The following SLC38A3 variants were observed in gnomAD, a reference collection of about 807,000 sequenced individuals.
SLC38A3 encodes the protein solute carrier family 38 member 3, also known as sodium-coupled neutral amino acid transporter 3.
In SLC38A3, 17 loss-of-function variants were observed where a neutral mutation model predicts 59.5. The ratio of observed to expected loss-of-function variants is 0.29; its 90% CI spans 0.20 to 0.43. The LOEUF (loss-of-function observed/expected upper bound fraction) is 0.43, where lower values mean the gene tolerates loss of function less well. Among genes scored for constraint, SLC38A3 ranks in the 20% least tolerant of loss-of-function variants. The pLI is 1.00. For synonymous variants in SLC38A3, 238 were observed against 260.3 expected (o/e 0.91, Z 0.82); for missense variants, 454 against 653.9 (o/e 0.69, Z 3.33).
rs1699848126 is a variant in SLC38A3 at position 50,218,209 on chromosome 3, A to G, written c.936-61A>G. 2 of 1,265,346 alleles carry G rather than the reference A, an allele frequency of 1.6e-6. No individual in the cohort carries two copies. The highest frequency in any genetic ancestry group is 1.5e-5 in the African/African-American group (1 of 68,336). The allele number at this position is 1,265,346 out of a possible 1,614,324, so 78.4% of individuals were successfully genotyped here. A position where few individuals can be genotyped will look rare whatever the true frequency, so the allele number is the denominator to read the frequency against. On this transcript the variant is annotated intron_variant, in intron 11 of 15. Transcript: ENST00000614032. This position sits in a 1 kb window ranked among gnomAD's most constrained non-coding sequence, Gnocchi z 5.8. Reference sequence around the variant, plus strand: ...TGGTGCCAGAGAGAGCTTGGGGCACATGGGGGTCTCCCAATGTTACCCAGC... The same window carrying G: ...TGGTGCCAGAGAGAGCTTGGGGCACGTGGGGGTCTCCCAATGTTACCCAGC...
chr3:50,214,050 G>T lies in SLC38A3; in HGVS notation c.-51-99G>T. 1.5e-6 allele frequency: 1 copy of T among 666,856 alleles called. No homozygotes were observed. Among genetic ancestry groups the T allele is most frequent in the Non-Finnish European group, 2.6e-6 (1 of 380,292 alleles). The allele number at this position is 666,856 out of a possible 1,614,324, so 41.3% of individuals were successfully genotyped here. A position where few individuals can be genotyped will look rare whatever the true frequency, so the allele number is the denominator to read the frequency against. On this transcript the variant is annotated intron_variant, in intron 1 of 15. Transcript: ENST00000614032. This position sits in a 1 kb window ranked among gnomAD's most constrained non-coding sequence, Gnocchi z 6.0. ...CTGCATGTGTGGATATGCCCCGAGT[G>T]ACCATCTGGGAGGTGTGCTATGGCT...
At chr3:50,205,603 G>A (rs1449864622) in intron 1 of SLC38A3, among the ~76,000 whole-genome samples, 4 of 152,260 alleles carry the variant, frequency 2.6e-5, no homozygotes, top group Non-Finnish European at 5.9e-5. Flanking sequence ...TCGCCTTAGG[G>A]CCTCTCGGCG....
In SLC38A3 at chr3:50,219,975, C is replaced by T. The variant is rs148450359; in HGVS notation, c.1401C>T (p.Pro467=). The T allele has an allele frequency of 1.2e-6, 2 of 1,612,300 alleles. No individual in the cohort carries two copies. Among genetic ancestry groups the T allele is most frequent in the Non-Finnish European group, 8.5e-7 (1 of 1,179,178 alleles). Residue 467 remains proline (P), a synonymous_variant, in exon 15 of 16, where the codon CCC becomes CCT. Transcript: ENST00000614032. ...PTEKEPARST[P]KILALCFAML... is the part of the protein sequence containing the mutation. The stretch of plus-strand genomic sequence containing the variant: ...AGAAGGAGCCTGCAAGATCCACCCC[C>T]AAAATCCTGGTGCGAGGGGCCTGGA...
At chr3:50,210,488 C>T (rs1466514402) in intron 1 of SLC38A3, among the ~76,000 whole-genome samples, 5 of 152,152 alleles carry the variant, frequency 3.3e-5, no homozygotes, top group Non-Finnish European at 7.4e-5. Flanking sequence ...TCACTACTGC[C>T]GACCCAGACC....
chr3:50,219,097 G>C (rs1699864396), intron 14 of SLC38A3, 149 bp downstream of exon 14: 1 of 1,028,566 alleles, frequency 9.7e-7, no homozygotes, highest in Non-Finnish European at 1.4e-6. Context: ...TTGTCCATAG[G>C]CTATTCTAAT....
In SLC38A3 at chr3:50,217,504, C is replaced by T. The variant is rs370852663; in HGVS notation, c.690+31C>T. ...TCACCCTCCATGTTGGCTGAGAAAG[C>T]GGGCAGCGGGTCTCCTGGGGGAGTT... On this transcript the variant is annotated intron_variant, in intron 9 of 15. Coordinates refer to ENST00000614032, the MANE Select transcript of SLC38A3 (RefSeq NM_006841.6). The surrounding 1 kb of genome is among the most constrained non-coding windows in gnomAD (Gnocchi z 4.9). 4.5e-4 allele frequency: 719 copies of T among 1,607,310 alleles called. 1 individual carries two copies. Among genetic ancestry groups the T allele is most frequent in the Non-Finnish European group, 5.4e-4 (637 of 1,176,304 alleles).
At position 50,219,998 on chromosome 3, in the gene SLC38A3, G is replaced by A. The variant is rs1444711871; in HGVS notation, c.1410+14G>A. 8.7e-6 allele frequency: 14 copies of A among 1,607,532 alleles called. No homozygotes were observed. The highest frequency in any genetic ancestry group is 1.2e-5 in the Non-Finnish European group (14 of 1,176,790). Reference sequence around the variant, plus strand: ...CCCAAAATCCTGGTGCGAGGGGCCTGGAGGCCGGTGGGCTGGTATGGGGCT... The same window carrying A: ...CCCAAAATCCTGGTGCGAGGGGCCTAGAGGCCGGTGGGCTGGTATGGGGCT... On this transcript the variant is annotated intron_variant, in intron 15 of 15. Transcript: ENST00000614032.
Position 50,217,407 on chromosome 3 carries a change from C to T in SLC38A3, c.632-8C>T. 6.2e-7 allele frequency: 1 copy of T among 1,613,164 alleles called. No individual in the cohort carries two copies. Among genetic ancestry groups the T allele is most frequent in the Non-Finnish European group, 8.5e-7 (1 of 1,179,534 alleles). On this transcript the variant is annotated splice_region_variant and splice_polypyrimidine_tract_variant and intron_variant, in intron 8 of 15. Coordinates refer to ENST00000614032, the MANE Select transcript of SLC38A3 (RefSeq NM_006841.6). The surrounding 1 kb of genome is among the most constrained non-coding windows in gnomAD (Gnocchi z 4.9). ...CCCAGGTCTCAGAGTGCTCCCTCCA[C>T]TTTGCAGGCTACCTGGGCTACTCCA...
chr3:50,219,987 G>T lies in SLC38A3; in HGVS notation c.1410+3G>T. 6.2e-7 allele frequency: 1 copy of T among 1,610,754 alleles called. No homozygotes were observed. The highest frequency in any genetic ancestry group is 1.7e-4 in the Middle Eastern group (1 of 6,056). ...CAAGATCCACCCCCAAAATCCTGGT[G>T]CGAGGGGCCTGGAGGCCGGTGGGCT... On this transcript the variant is annotated splice_donor_region_variant and intron_variant, in intron 15 of 15. Transcript: ENST00000614032.
rs368555956 is a variant in SLC38A3, at chr3:50,220,188, A to G, written c.*11A>G. The G allele has an allele frequency of 1.5e-4, 231 of 1,565,524 alleles. No homozygotes were observed. Among genetic ancestry groups the G allele is most frequent in the Non-Finnish European group, 1.6e-4 (183 of 1,151,672 alleles). On this transcript the variant is annotated 3_prime_UTR_variant, in exon 16 of 16. Transcript: ENST00000614032. ...GGAGGAAACCACTAGGGTGACCCTC[A>G]TCCTGTTCTGTCTACTCACCCTAGC... is the stretch of plus-strand genomic sequence containing the variant.
At position 50,215,168 on chromosome 3, in the gene SLC38A3, C is replaced by T; in HGVS notation, c.300-218C>T. ...AGGGCAGTCACAGGGACACTCTTGACCCAGAGGGCCCCTTCTGGGGTGTGT... is the reference window on the plus strand; with the variant it reads ...AGGGCAGTCACAGGGACACTCTTGATCCAGAGGGCCCCTTCTGGGGTGTGT... On this transcript the variant is annotated intron_variant, in intron 4 of 15. Coordinates refer to ENST00000614032, the MANE Select transcript of SLC38A3 (RefSeq NM_006841.6). The surrounding 1 kb of genome is among the most constrained non-coding windows in gnomAD (Gnocchi z 7.1). The T allele has an allele frequency of 1.7e-6, 1 of 590,592 alleles. No individual in the cohort carries two copies. Among genetic ancestry groups the T allele is most frequent in the Non-Finnish European group, 3.0e-6 (1 of 331,088 alleles). The allele number at this position is 590,592 out of a possible 1,614,324, so 36.6% of individuals were successfully genotyped here.
At chr3:50,207,692 G>A (rs934957440) in intron 1 of SLC38A3, 3 of 152,294 alleles carry the variant, frequency 2.0e-5, no homozygotes, top group Non-Finnish European at 2.9e-5. Context: ...GTGAAGGGTA[G>A]GCCTTTGACT....
At chr3:50,219,547 A>C (rs1320431331) in intron 14 of SLC38A3, among the ~76,000 whole-genome samples, 1 of 152,218 alleles carries the variant, frequency 6.6e-6, no homozygotes. Flanking sequence ...AAAGGAATCC[A>C]CTGGCTCAAA....
At chr3:50,216,024 AC>A (rs1216210646) in intron 7 of SLC38A3, among the ~76,000 whole-genome samples, 2 of 150,982 alleles carry the variant, frequency 1.3e-5, no homozygotes, top group African/African-American at 2.4e-5. Context: ...CACCTTGGAG[AC>A]CCCCCTCCAG....
rs766042950 is a variant in SLC38A3, at chr3:50,217,395, G to C, written c.632-20G>C. ...CATGGGAGGGGCCCCAGGTCTCAGA[G>C]TGCTCCCTCCACTTTGCAGGCTACC... On this transcript the variant is annotated intron_variant, in intron 8 of 15. Coordinates refer to ENST00000614032, the MANE Select transcript of SLC38A3 (RefSeq NM_006841.6). The surrounding 1 kb of genome is among the most constrained non-coding windows in gnomAD (Gnocchi z 4.9). 1 of 1,612,824 alleles carries C rather than the reference G, an allele frequency of 6.2e-7. No individual in the cohort carries two copies. Among genetic ancestry groups the C allele is most frequent in the Non-Finnish European group, 8.5e-7 (1 of 1,179,372 alleles).
In SLC38A3 at chr3:50,214,082, C is replaced by G; in HGVS notation, c.-51-67C>G. ...TGGGAGGTGTGCTATGGCTGCAGGC[C>G]TCAGGTAGGAGGCTAGGCCGTAGGC... On this transcript the variant is annotated intron_variant, in intron 1 of 15. Transcript: ENST00000614032. The surrounding 1 kb of genome is among the most constrained non-coding windows in gnomAD (Gnocchi z 6.0). The G allele has an allele frequency of 6.7e-6, 6 of 892,868 alleles. No homozygotes were observed. Among genetic ancestry groups the G allele is most frequent in the Non-Finnish European group, 1.1e-5 (6 of 568,980 alleles). 55.3% of individuals were successfully genotyped at this position (892,868 alleles called of 1,614,324 possible).
Position 50,218,250 on chromosome 3 carries a change from A to AC in SLC38A3, c.936-13dup, listed in dbSNP as rs746379648. 262 of 1,038,160 alleles carry AC rather than the reference A, an allele frequency of 2.5e-4. No homozygotes were observed. The highest frequency in any genetic ancestry group is 3.3e-4 in the Non-Finnish European group (217 of 658,104). 64.3% of individuals were successfully genotyped at this position (1,038,160 alleles called of 1,614,324 possible). A position where few individuals can be genotyped will look rare whatever the true frequency, so the allele number is the denominator to read the frequency against. ...GTTACCCAGCTTGTCACCAACACCCACCCCCCCACTTCCCCACAGCCCCTC... is the reference window on the plus strand; with the variant it reads ...GTTACCCAGCTTGTCACCAACACCCACCCCCCCCACTTCCCCACAGCCCCTC... On this transcript the variant is annotated intron_variant, in intron 11 of 15. Transcript: ENST00000614032. The surrounding 1 kb of genome is among the most constrained non-coding windows in gnomAD (Gnocchi z 5.8).
In SLC38A3 at chr3:50,217,874, T is replaced by C; in HGVS notation, c.855+34T>C. ...AGGTCAGGGCAAGGCGGGGGCCCAA[T>C]GAGAGTGGCAGACTGCCTTGACACA... On this transcript the variant is annotated intron_variant, in intron 10 of 15. Coordinates refer to ENST00000614032, the MANE Select transcript of SLC38A3 (RefSeq NM_006841.6). This position sits in a 1 kb window ranked among gnomAD's most constrained non-coding sequence, Gnocchi z 4.9. 6.2e-7 allele frequency: 1 copy of C among 1,613,874 alleles called. No individual in the cohort carries two copies. Among genetic ancestry groups the C allele is most frequent in the Non-Finnish European group, 8.5e-7 (1 of 1,179,830 alleles).
Position 50,217,786 on chromosome 3 carries a change from C to G in SLC38A3, c.801C>G (p.Val267=), listed in dbSNP as rs778842181. 3.2e-5 allele frequency: 51 copies of G among 1,613,894 alleles called. No individual in the cohort carries two copies. The highest frequency in any genetic ancestry group is 4.2e-5 in the Non-Finnish European group (50 of 1,179,894). ...TGAAGGAGAAGGTGCAGCTGCAGGT[C>G]GAGCCTGAGGCTTCAGCCTTCTGCA... ...EIVKEKVQLQ[V]EPEASAFCTP... The change falls in exon 10 of 16, where the codon GTC becomes GTG. Residue 267 remains valine, a synonymous_variant. Coordinates refer to ENST00000614032, the MANE Select transcript of SLC38A3 (RefSeq NM_006841.6). This position sits in a 1 kb window ranked among gnomAD's most constrained non-coding sequence, Gnocchi z 4.9.
Sources: allele counts gnomAD v4.1 joint callset (sites outside exome capture counted in the v4.1 genomes callset), GRCh38; gene constraint gnomAD v4.1.1; non-coding constraint Gnocchi (gnomAD v3.1); transcripts MANE v1.5; gene names NCBI Gene and HGNC (gene_info 2026-07-23, HGNC 2026-07-21).